KCNQ2: variants seen among roughly 807,000 people sequenced by gnomAD.
The protein encoded by KCNQ2 is potassium voltage-gated channel subfamily Q member 2, also known as potassium voltage-gated channel subfamily KQT member 2.
Under a neutral mutation model 84.8 loss-of-function variants are expected in KCNQ2, and 14 were observed. That is an observed-to-expected ratio of 0.17 (90% CI 0.11 to 0.26). The LOEUF (loss-of-function observed/expected upper bound fraction) is 0.26. Ranked by LOEUF, KCNQ2 falls within the 10% of genes least tolerant of loss-of-function variation. KCNQ2 has a pLI of 1.00. For synonymous variants in KCNQ2, 599 were observed against 554.1 expected (o/e 1.08, Z -1.14); for missense variants, 788 against 1,254.0 (o/e 0.63, Z 5.61).
intron 8 of KCNQ2, among the ~76,000 whole-genome samples, chr20:63,431,784 A>T (rs896858812): frequency 6.6e-6 from 1 of 152,184 alleles, no homozygotes; most frequent in African/African-American, 2.4e-5. Flanking sequence ...CCAACTCAGG[A>T]TCCTCAAGAA....
rs892597914 is a variant in KCNQ2 at position 63,414,710 on chromosome 20, C to T, written c.1525+193G>A. On this transcript the variant is annotated intron_variant, in intron 13 of 16. Coordinates refer to ENST00000359125, the MANE Select transcript of KCNQ2 (RefSeq NM_172107.4). This position sits in a 1 kb window ranked among gnomAD's most constrained non-coding sequence, Gnocchi z 6.6. ...AACTCCACCGTGAGCGTGCTACATGCCACTGAATTCCTACACTTTTAAATA... is the reference window on the plus strand; with the variant it reads ...AACTCCACCGTGAGCGTGCTACATGTCACTGAATTCCTACACTTTTAAATA... 2.0e-5 allele frequency among the ~76,000 whole-genome samples: 3 copies of T among 151,374 alleles called. No homozygotes were observed. Among genetic ancestry groups the T allele is most frequent in the African/African-American group, 7.3e-5 (3 of 41,198 alleles).
chr20:63,428,534 G>T, intron 9 of KCNQ2, 99 bp from the exon 10 acceptor site: 2 of 1,031,390 alleles, frequency 1.9e-6, no homozygotes, highest in Non-Finnish European at 3.0e-6. Flanking sequence ...CGCCTGCAGT[G>T]TCAGACACCC....
chr20:63,410,308 GC>G (rs1186127518), intron 15 of KCNQ2, among the ~76,000 whole-genome samples: 1 of 152,172 alleles, frequency 6.6e-6, no homozygotes, highest in African/African-American at 2.4e-5. Context: ...GCCTGGAGCT[GC>G]TGCTGGGGGC....
chr20:63,464,814 G>A lies in KCNQ2; in HGVS notation c.296+7354C>T, dbSNP rs535446626. ...GCCAGCCAATCAACCACAGCCCCGC[G>A]CACAGACTCTCCCAGGTGGGACTGA... On this transcript the variant is annotated intron_variant, in intron 1 of 16. Transcript: ENST00000359125. Among the ~76,000 whole-genome samples, 5 of 152,286 alleles carry A rather than the reference G, an allele frequency of 3.3e-5. No individual in the cohort carries two copies. The East Asian group carries it at 5.8e-4, about 18-fold the overall frequency.
rs1398430385 is a variant in KCNQ2 at position 63,401,141 on chromosome 20, G to A, written c.*5503C>T. 1 of 355,048 alleles carries A rather than the reference G, an allele frequency of 2.8e-6. No individual in the cohort carries two copies. Among genetic ancestry groups the A allele is most frequent in the Non-Finnish European group, 5.0e-6 (1 of 198,780 alleles). 22.0% of individuals were successfully genotyped at this position (355,048 alleles called of 1,614,324 possible). A position where few individuals can be genotyped will look rare whatever the true frequency, so the allele number is the denominator to read the frequency against. On this transcript the variant is annotated 3_prime_UTR_variant, in exon 17 of 17. Transcript: ENST00000359125. ...CGGCCAGCCAGGGGCACCACGGCAA[G>A]TGTCCAAGCCCAGAGCACACTCAAC...
intron 3 of KCNQ2, 22 bp from the exon 4 acceptor site, chr20:63,444,856 G>C: frequency 6.4e-7 from 1 of 1,572,070 alleles, no homozygotes; most frequent in Admixed American, 1.8e-5. Flanking sequence ...GCGTGGAGCT[G>C]GTGAGCTGCT....
chr20:63,430,144 AAC>A (rs1466493256), intron 9 of KCNQ2, among the ~76,000 whole-genome samples: 4 of 152,238 alleles, frequency 2.6e-5, no homozygotes, highest in Non-Finnish European at 5.9e-5. Flanking sequence ...CCATGCCTCG[AAC>A]ACACAGAGCA....
intron 15 of KCNQ2, among the ~76,000 whole-genome samples, chr20:63,413,061 ACACACATGTATG>A (rs943511265): frequency 6.6e-6 from 1 of 152,138 alleles, no homozygotes; most frequent in African/African-American, 2.4e-5. Context: ...ACACATGTGT[ACACACATGTATG>A]CACCCCACAC....
Position 63,435,393 on chromosome 20 carries a change from C to CA in KCNQ2, c.1024-1491dup, listed in dbSNP as rs1182183227. 6.1e-3 allele frequency among the ~76,000 whole-genome samples: 872 copies of CA among 142,912 alleles called. 9 individuals carry two copies. Among genetic ancestry groups the CA allele is most frequent in the Non-Finnish European group, 7.6e-3 (493 of 65,222 alleles). The allele number at this position is 142,912 out of a possible 152,430, so 93.8% of individuals were successfully genotyped here. ...AGAGAGCAAGTCCCTATCTCAACAA[C>CA]AACAAAAAAAAAAAGTTGGCCATCC... On this transcript the variant is annotated intron_variant, in intron 7 of 16. Coordinates refer to ENST00000359125, the MANE Select transcript of KCNQ2 (RefSeq NM_172107.4).
At chr20:63,450,865 T>G (rs1391810749) in intron 1 of KCNQ2, among the ~76,000 whole-genome samples, 1 of 151,728 alleles carries the variant, frequency 6.6e-6, no homozygotes. Flanking sequence ...AACCTGGCCA[T>G]GCATGGCGGC....
intron 1 of KCNQ2, among the ~76,000 whole-genome samples, chr20:63,469,793 G>A (rs564300899): frequency 9.2e-5 from 14 of 152,260 alleles, no homozygotes; most frequent in African/African-American, 3.4e-4. Flanking sequence ...ACGCCACACG[G>A]GCCAGTCCAT....
intron 9 of KCNQ2, 39 bp downstream of exon 9, chr20:63,431,299 ACC>A (rs1491345052): frequency 6.2e-7 from 1 of 1,609,658 alleles, no homozygotes; most frequent in South Asian, 1.1e-5. Context: ...CAGAACTAGA[ACC>A]ACACACACAC....
rs3746361 is a variant in KCNQ2 at position 63,407,570 on chromosome 20, G to C, written c.1888-195C>G. Among the ~76,000 whole-genome samples the C allele has an allele frequency of 0.081, 12,040 of 148,802 alleles. 954 individuals carry two copies. The highest frequency in any genetic ancestry group is 0.45 in the East Asian group (2,128 of 4,762). ...CCGGGCTGCTCCCAGGAAATGGGGG[G>C]GCCCAGGCTGGTTCCAGGAAACAGG... On this transcript the variant is annotated intron_variant, in intron 16 of 16. Transcript: ENST00000359125. This position sits in a 1 kb window ranked among gnomAD's most constrained non-coding sequence, Gnocchi z 7.2.
At chr20:63,413,772 T>A (rs999436167) in intron 14 of KCNQ2, among the ~76,000 whole-genome samples, 191 bp from the exon 15 acceptor site, 3 of 152,170 alleles carry the variant, frequency 2.0e-5, no homozygotes, top group African/African-American at 7.2e-5. Flanking sequence ...CAGGTGGGGC[T>A]TGCAGGCCTG....
rs1280890324 is a variant in KCNQ2, at chr20:63,406,130, C to A, written c.*514G>T. The A allele has an allele frequency of 1.9e-5, 3 of 159,662 alleles. No homozygotes were observed. The highest frequency in any genetic ancestry group is 2.8e-5 in the Non-Finnish European group (2 of 72,374). The allele number at this position is 159,662 out of a possible 1,614,324, so 9.9% of individuals were successfully genotyped here. On this transcript the variant is annotated 3_prime_UTR_variant, in exon 17 of 17. Transcript: ENST00000359125. Reference sequence around the variant, plus strand: ...CCGCCGGGCAGGTCAGGTGTGAAGGCAGAGGCCACGCACAGCGGCCGGCCA... The same window carrying A: ...CCGCCGGGCAGGTCAGGTGTGAAGGAAGAGGCCACGCACAGCGGCCGGCCA...
intron 1 of KCNQ2, among the ~76,000 whole-genome samples, chr20:63,462,928 A>G (rs2081991471): frequency 6.6e-6 from 1 of 152,214 alleles, no homozygotes; most frequent in Admixed American, 6.5e-5. Context: ...CGTGGCACGC[A>G]TGCAGAGAAC....
chr20:63,416,733 C>T (rs8123680), intron 12 of KCNQ2, among the ~76,000 whole-genome samples: 35,587 of 152,070 alleles, frequency 0.23, 5,193 homozygotes, highest in Non-Finnish European at 0.34. Context: ...CCATCAGCCC[C>T]GACTCCAGAC....
rs867842216 is a variant in KCNQ2, at chr20:63,442,964, A to T, written c.691-433T>A. The stretch of plus-strand genomic sequence containing the variant: ...CACCATCACCATCATCACCATCACC[A>T]CCACCACCACCATCACCACCATTAC... On this transcript the variant is annotated intron_variant, in intron 4 of 16. Coordinates refer to ENST00000359125, the MANE Select transcript of KCNQ2 (RefSeq NM_172107.4). Among the ~76,000 whole-genome samples the T allele has an allele frequency of 5.6e-4, 61 of 109,736 alleles. 2 individuals are homozygous for T. The highest frequency in any genetic ancestry group is 2.1e-3 in the African/African-American group (55 of 25,780). The allele number at this position is 109,736 out of a possible 152,430, so 72.0% of individuals were successfully genotyped here.
chr20:63,471,575 G>C (rs1036655253), intron 1 of KCNQ2: 1 of 153,004 alleles, frequency 6.5e-6, no homozygotes, highest in African/African-American at 2.4e-5. Flanking sequence ...GAGGGGGTTC[G>C]CGGGGCCAGG....
Sources: gnomAD v4.1 joint callset for allele counts (sites outside exome capture counted in the v4.1 genomes callset) on GRCh38, gnomAD v4.1.1 for gene constraint, Gnocchi (gnomAD v3.1) non-coding constraint, MANE v1.5 for transcripts, NCBI Gene and HGNC (gene_info 2026-07-23, HGNC 2026-07-21) for gene names.